EFCAB8: variants seen among roughly 807,000 people sequenced by gnomAD.
EFCAB8 encodes the protein EF-hand calcium-binding domain-containing protein 8.
Under a neutral mutation model 116.3 loss-of-function variants are expected in EFCAB8, and 100 were observed. The ratio of observed to expected loss-of-function variants is 0.86; its 90% CI spans 0.73 to 1.02. EFCAB8 has a LOEUF of 1.02. EFCAB8 is among the 50% of genes least tolerant of loss of function. EFCAB8 has a pLI of 0.00. For missense variants in EFCAB8, 1,320 were observed against 1,416.9 expected (o/e 0.93, Z 1.10); for synonymous variants, 558 against 567.9 (o/e 0.98, Z 0.25).
intron 2 of EFCAB8, among the ~76,000 whole-genome samples, chr20:32,866,989 C>A (rs897555564): frequency 2.6e-5 from 4 of 151,890 alleles, no homozygotes; most frequent in African/African-American, 9.7e-5. Context: ...ACAATCTCAG[C>A]TCACTGCAAC....
intron 2 of EFCAB8, among the ~76,000 whole-genome samples, chr20:32,867,091 T>C (rs1984461232): frequency 2.6e-5 from 4 of 152,114 alleles, no homozygotes; most frequent in Admixed American, 2.6e-4. Context: ...CTAATGTTTT[T>C]GTATTTTTAG....
At chr20:32,937,544 A>G (rs1988168246) in intron 22 of EFCAB8, among the ~76,000 whole-genome samples, 1 of 152,240 alleles carries the variant, frequency 6.6e-6, no homozygotes, top group Admixed American at 6.5e-5. Flanking sequence ...AGATTGGATT[A>G]GTAATAAAAT....
chr20:32,914,484 C>T (rs1987090443), intron 17 of EFCAB8, among the ~76,000 whole-genome samples: 1 of 152,178 alleles, frequency 6.6e-6, no homozygotes, highest in Admixed American at 6.5e-5. Context: ...AGTTTGTTTT[C>T]ACACTGCTAT....
At chr20:32,894,746 G>T (rs188815052) in intron 9 of EFCAB8, among the ~76,000 whole-genome samples, 1 of 152,342 alleles carries the variant, frequency 6.6e-6, no homozygotes, top group East Asian at 1.9e-4. Context: ...TATAAGAAAC[G>T]TGGAACGTTA....
At chr20:32,871,740 AC>A (rs1984693107) in intron 3 of EFCAB8, among the ~76,000 whole-genome samples, 1 of 152,198 alleles carries the variant, frequency 6.6e-6, no homozygotes, top group African/African-American at 2.4e-5. Flanking sequence ...TGTCTTAGGC[AC>A]CCCAACTGTC....
intron 3 of EFCAB8, among the ~76,000 whole-genome samples, chr20:32,874,597 A>G (rs139546714): frequency 7.0e-4 from 107 of 151,846 alleles, no homozygotes; most frequent in African/African-American, 2.3e-3. Context: ...GCTGGAGTGC[A>G]GTGGTGCAAT....
chr20:32,958,789 G>A (rs1047638406), intron 24 of EFCAB8, among the ~76,000 whole-genome samples: 4 of 152,164 alleles, frequency 2.6e-5, no homozygotes, highest in African/African-American at 9.7e-5. Flanking sequence ...AGTGAAAGGG[G>A]AAAATACAAA....
chr20:32,931,271 C>CG lies in EFCAB8; in HGVS notation c.2727dup (p.Leu910ValfsTer20), dbSNP rs1224864115. 1.4e-5 allele frequency: 21 copies of CG among 1,551,474 alleles called. No homozygotes were observed. The highest frequency in any genetic ancestry group is 1.8e-5 in the Non-Finnish European group (21 of 1,146,942). ...TGTCTCTGAAGCACACAACAAGTTC[C>CG]GGTTGTTAATTCCTCAGCAACTTGG... On this transcript the variant is annotated frameshift_variant, in exon 22 of 27. Transcript: ENST00000400522. LOFTEE classifies it high-confidence loss of function.
Position 32,939,588 on chromosome 20 carries a change from G to A in EFCAB8, c.2791-4048G>A, listed in dbSNP as rs115029632. Among the ~76,000 whole-genome samples, 241 of 144,828 alleles carry A rather than the reference G, an allele frequency of 1.7e-3. 20 individuals are homozygous for A. Among genetic ancestry groups the A allele is most frequent in the African/African-American group, 6.0e-3 (233 of 38,568 alleles). ...ATGAGCCACCTCGCCTGGCGGGCTG[G>A]CTTTCTTTTCTTCCTTCCTTCCCTC... On this transcript the variant is annotated intron_variant, in intron 22 of 26. Transcript: ENST00000400522.
intron 1 of EFCAB8, among the ~76,000 whole-genome samples, chr20:32,860,493 CTTTTTTTT>C: frequency 1.2e-5 from 1 of 83,992 alleles, no homozygotes; most frequent in Non-Finnish European, 2.0e-5. Context: ...ATGGTGGTAA[CTTTTTTTT>C]TTTTTTTTTT....
intron 2 of EFCAB8, among the ~76,000 whole-genome samples, chr20:32,864,862 CAAG>C (rs1267235155): frequency 6.6e-6 from 1 of 152,176 alleles, no homozygotes; most frequent in African/African-American, 2.4e-5. Context: ...GGAGTAATAA[CAAG>C]AGCTGTCATT....
At chr20:32,886,583 C>T (rs1379073758) in intron 6 of EFCAB8, among the ~76,000 whole-genome samples, 1 of 152,084 alleles carries the variant, frequency 6.6e-6, no homozygotes, top group East Asian at 1.9e-4. Flanking sequence ...CCATGGCTCT[C>T]CTTGGTGCAC....
intron 22 of EFCAB8, among the ~76,000 whole-genome samples, chr20:32,932,398 C>T (rs1310290827): frequency 2.0e-5 from 3 of 151,938 alleles, no homozygotes; most frequent in Non-Finnish European, 2.9e-5. Context: ...TTATTCAGTA[C>T]TACACTTATA....
intron 17 of EFCAB8, among the ~76,000 whole-genome samples, chr20:32,913,990 C>T (rs191546989): frequency 7.9e-5 from 12 of 152,370 alleles, no homozygotes; most frequent in Non-Finnish European, 1.3e-4. Context: ...GGGAGCCTTG[C>T]CCCCATGGTG....
At chr20:32,924,671 G>A (rs1164399595) in intron 20 of EFCAB8, among the ~76,000 whole-genome samples, 2 of 152,110 alleles carry the variant, frequency 1.3e-5, no homozygotes, top group Non-Finnish European at 2.9e-5. Flanking sequence ...TGCCACTGTT[G>A]GGAATTCCTT....
chr20:32,924,438 TTTTA>T (rs1367022205), intron 20 of EFCAB8, among the ~76,000 whole-genome samples: 1 of 152,162 alleles, frequency 6.6e-6, no homozygotes, highest in Non-Finnish European at 1.5e-5. Context: ...TATGAGGGAT[TTTTA>T]TTTATTTAAT....
chr20:32,889,343 A>G lies in EFCAB8; in HGVS notation c.610A>G (p.Ile204Val). ...GCTCTACAACCAGCCGATGTGGGTC[A>G]TTGACATGGTATGTCTGCACAATAT... ...QQLYNQPMWV[I>V]DMVCLHNMNL... The change falls in exon 7 of 27, where the codon ATT becomes GTT. Residue 204 changes from isoleucine to valine, a missense_variant. By Grantham distance (29) the Ile-to-Val change is conservative. Transcript: ENST00000400522. 1.3e-6 allele frequency: 2 copies of G among 1,551,840 alleles called. No homozygotes were observed. The highest frequency in any genetic ancestry group is 1.7e-6 in the Non-Finnish European group (2 of 1,147,024).
At position 32,959,958 on chromosome 20, in the gene EFCAB8, C is replaced by T; in HGVS notation, c.3270C>T (p.Asn1090=). Residue 1090 remains asparagine, a synonymous_variant, in exon 25 of 27, where the codon AAC becomes AAT. Coordinates refer to ENST00000400522, the MANE Select transcript of EFCAB8 (RefSeq NM_001143967.2). ...RPLEDIEDSW[N]KWESRDKQVS... The stretch of plus-strand genomic sequence containing the variant: ...TGGAAGACATTGAGGACAGCTGGAA[C>T]AAGTGGGAGTCCAGGGACAAGCAGG... 1 of 1,551,700 alleles carries T rather than the reference C, an allele frequency of 6.4e-7. No homozygotes were observed. Among genetic ancestry groups the T allele is most frequent in the Non-Finnish European group, 8.7e-7 (1 of 1,146,990 alleles).
intron 11 of EFCAB8, among the ~76,000 whole-genome samples, chr20:32,899,229 CAAT>C (rs34439877): frequency 0.23 from 34,191 of 146,278 alleles, 4,080 homozygotes; most frequent in Non-Finnish European, 0.25. Flanking sequence ...ACTAAAAATA[CAAT>C]AATAATAATA....
Sources: allele counts gnomAD v4.1 joint callset (sites outside exome capture counted in the v4.1 genomes callset), GRCh38; gene constraint gnomAD v4.1.1; transcripts MANE v1.5; gene names NCBI Gene and HGNC (gene_info 2026-07-23, HGNC 2026-07-21).